MSI2: variants seen among roughly 807,000 people sequenced by gnomAD.
The protein encoded by MSI2 is musashi RNA binding protein 2.
MSI2 carries 17 observed loss-of-function variants against 45.6 expected under a neutral mutation model. That is an observed-to-expected ratio of 0.37 (90% confidence interval 0.26 to 0.56). The LOEUF (loss-of-function observed/expected upper bound fraction) is 0.56. MSI2 is among the 20% of genes least tolerant of loss of function. The probability of loss-of-function intolerance (pLI) is 0.77; values close to 1 mark genes in which losing one functional copy is unlikely to be tolerated. For synonymous variants in MSI2, 156 were observed against 158.2 expected, an observed-to-expected ratio of 0.99 and a Z score of 0.11; for missense variants, 293 against 444.2, an observed-to-expected ratio of 0.66 and a Z score of 3.06.
chr17:57,548,840 G>A (rs779568499), intron 7 of MSI2, among the ~76,000 whole-genome samples: 21 of 151,868 alleles, frequency 1.4e-4, no homozygotes, highest in Non-Finnish European at 2.4e-4. Flanking sequence ...TTAGACACTC[G>A]GCAATTTTTG....
At chr17:57,601,431 A>C (rs1171838004) in intron 8 of MSI2, 2 of 152,040 alleles carry the variant, frequency 1.3e-5, no homozygotes, top group Non-Finnish European at 2.9e-5. Flanking sequence ...CTCCCTGGCC[A>C]CTCTGTGTGC....
At chr17:57,294,216 C>T (rs774146184) in intron 5 of MSI2, among the ~76,000 whole-genome samples, 8 of 152,120 alleles carry the variant, frequency 5.3e-5, no homozygotes, top group Non-Finnish European at 7.4e-5. Flanking sequence ...CTTTTTATTC[C>T]AGTGAGTGGG....
At chr17:57,282,845 T>TTTTTTTTTTTTTTTC (rs1909544443) in intron 5 of MSI2, among the ~76,000 whole-genome samples, 1 of 149,614 alleles carries the variant, frequency 6.7e-6, no homozygotes, top group African/African-American at 2.5e-5. Flanking sequence ...CTTTTTTTTT[T>TTTTTTTTTTTTTTTC]TTTCAGGGAA....
At chr17:57,574,927 T>A (rs1017036460) in intron 7 of MSI2, among the ~76,000 whole-genome samples, 1 of 148,772 alleles carries the variant, frequency 6.7e-6, no homozygotes, top group Non-Finnish European at 1.5e-5. Context: ...GCCTCCCGGG[T>A]TCACGCCATT....
intron 7 of MSI2, among the ~76,000 whole-genome samples, chr17:57,576,605 C>T (rs113897990): frequency 6.6e-6 from 1 of 151,780 alleles, no homozygotes; most frequent in Non-Finnish European, 1.5e-5. Flanking sequence ...AAAATACAAA[C>T]ATTAGTGGCA....
intron 8 of MSI2, among the ~76,000 whole-genome samples, chr17:57,597,730 G>T (rs889189942): frequency 2.0e-5 from 3 of 152,306 alleles, no homozygotes; most frequent in Admixed American, 2.0e-4. Context: ...TAACTTGCTG[G>T]CACCTGGCTT....
At chr17:57,700,666 G>A in the MSI2 span, among the ~76,000 whole-genome samples, 7 of 152,154 alleles carry the variant, frequency 4.6e-5, no homozygotes, top group African/African-American at 7.2e-5. Context: ...ACTTTGGGAG[G>A]CCAAGGCAGG....
intron 6 of MSI2, among the ~76,000 whole-genome samples, chr17:57,517,067 A>G (rs1386716216): frequency 6.6e-6 from 1 of 152,184 alleles, no homozygotes; most frequent in African/African-American, 2.4e-5. Flanking sequence ...GCATTTTCTT[A>G]GCCATTATTT....
intron 5 of MSI2, among the ~76,000 whole-genome samples, chr17:57,273,798 T>G (rs1908615396): frequency 1.3e-5 from 2 of 152,168 alleles, no homozygotes; most frequent in Admixed American, 6.5e-5. Context: ...CCTGGGTCTT[T>G]CCCCAAGCTA....
chr17:57,441,510 G>A (rs1247295583), intron 6 of MSI2, among the ~76,000 whole-genome samples: 1 of 152,108 alleles, frequency 6.6e-6, no homozygotes, highest in East Asian at 1.9e-4. Context: ...CACTCAGCTG[G>A]AACTGGGTTT....
intron 5 of MSI2, among the ~76,000 whole-genome samples, chr17:57,315,074 C>G (rs988309539): frequency 6.6e-6 from 1 of 152,152 alleles, no homozygotes; most frequent in African/African-American, 2.4e-5. Flanking sequence ...GGTAATTTTT[C>G]TGTGCAGCCA....
intron 5 of MSI2, among the ~76,000 whole-genome samples, chr17:57,327,989 C>T (rs1384872406): frequency 1.3e-5 from 2 of 152,110 alleles, no homozygotes; most frequent in East Asian, 1.9e-4. Context: ...GCTTCACCCC[C>T]TATAATTTAG....
intron 5 of MSI2, among the ~76,000 whole-genome samples, chr17:57,347,535 A>G (rs1420179615): frequency 6.6e-6 from 1 of 152,146 alleles, no homozygotes; most frequent in Admixed American, 6.5e-5. Flanking sequence ...ACAGATGTAC[A>G]TGCTTCTGTC....
intron 6 of MSI2, among the ~76,000 whole-genome samples, chr17:57,514,075 TTTCAACAAGAATTTGTC>T (rs1325069527): frequency 6.6e-6 from 1 of 152,222 alleles, no homozygotes; most frequent in African/African-American, 2.4e-5. Flanking sequence ...CACAGTCTGA[TTTCAACAAGAATTTGTC>T]TTTGTTAATT....
intron 7 of MSI2, among the ~76,000 whole-genome samples, chr17:57,530,317 A>G (rs113258945): frequency 6.4e-4 from 98 of 152,318 alleles, no homozygotes; most frequent in Middle Eastern, 3.4e-3. Flanking sequence ...AACCTCTGCA[A>G]TGACATGCAA....
chr17:57,262,328 C>A, intron 5 of MSI2, 136 bp downstream of exon 5: 2 of 903,526 alleles, frequency 2.2e-6, no homozygotes, highest in Non-Finnish European at 1.7e-6. Context: ...ACAGGCTGGG[C>A]AAGTAGTCCT....
chr17:57,293,519 A>G (rs1354498272), intron 5 of MSI2, among the ~76,000 whole-genome samples: 1 of 151,942 alleles, frequency 6.6e-6, no homozygotes, highest in Non-Finnish European at 1.5e-5. Context: ...GAAAAGGCTC[A>G]AGTATCTGAT....
At chr17:57,485,537 C>T (rs569469432) in intron 6 of MSI2, among the ~76,000 whole-genome samples, 3 of 152,242 alleles carry the variant, frequency 2.0e-5, no homozygotes, top group South Asian at 2.1e-4. Flanking sequence ...ATCTTCCTTG[C>T]GAAACATGGA....
chr17:57,356,592 T>C (rs533713023), intron 5 of MSI2, among the ~76,000 whole-genome samples: 1 of 152,296 alleles, frequency 6.6e-6, no homozygotes, highest in African/African-American at 2.4e-5. Context: ...GTTTCCTAAT[T>C]AGGCCTGTGG....
Sources: gnomAD v4.1 joint callset for allele counts (sites outside exome capture counted in the v4.1 genomes callset) on GRCh38, gnomAD v4.1.1 for gene constraint, MANE v1.5 for transcripts, NCBI Gene and HGNC (gene_info 2026-07-23, HGNC 2026-07-21) for gene names.